The following TSHZ2 variants were observed in gnomAD, a reference collection of about 807,000 sequenced individuals.
TSHZ2 encodes the protein teashirt zinc finger homeobox 2, also known as teashirt homolog 2.
Under a neutral mutation model 74.4 loss-of-function variants are expected in TSHZ2, and 21 were observed. The observed-to-expected ratio is 0.28, with a 90% CI of 0.20 to 0.41. The LOEUF is 0.41. Ranked by LOEUF, TSHZ2 falls within the 10% of genes least tolerant of loss-of-function variation. The probability of loss-of-function intolerance (pLI) is 1.00; values close to 1 mark genes in which losing one functional copy is unlikely to be tolerated. For missense variants in TSHZ2, 1,244 were observed against 1,293.5 expected (o/e 0.96, Z 0.59); for synonymous variants, 540 against 515.3 (o/e 1.05, Z -0.65).
intron 2 of TSHZ2, among the ~76,000 whole-genome samples, chr20:53,422,973 G>A (rs1022964864): frequency 3.9e-5 from 6 of 152,110 alleles, no homozygotes; most frequent in African/African-American, 1.4e-4. Flanking sequence ...TCCTCAATGC[G>A]TTCTTAGTCC....
chr20:53,462,153 T>C lies in TSHZ2; in HGVS notation c.*9-24991T>C, dbSNP rs541837496. On this transcript the variant is annotated intron_variant, in intron 2 of 2. Transcript: ENST00000371497. ...CCTGTAATCTCAGCTGCTTGGGAGGTTGAGGTGGAAGAATCACTTGAACCT... is the reference window on the plus strand; with the variant it reads ...CCTGTAATCTCAGCTGCTTGGGAGGCTGAGGTGGAAGAATCACTTGAACCT... Among the ~76,000 whole-genome samples, 42 of 150,384 alleles carry C rather than the reference T, an allele frequency of 2.8e-4. 1 individual carries two copies. Among genetic ancestry groups the C allele is most frequent in the Admixed American group, 2.3e-3 (35 of 15,146 alleles).
intron 1 of TSHZ2, among the ~76,000 whole-genome samples, chr20:53,119,754 T>C (rs975293653): frequency 6.6e-6 from 1 of 152,216 alleles, no homozygotes; most frequent in African/African-American, 2.4e-5. Flanking sequence ...TGCTAGAAAA[T>C]GTTAAATCAC....
At chr20:53,367,120 G>T (rs966710963) in intron 2 of TSHZ2, among the ~76,000 whole-genome samples, 1 of 152,146 alleles carries the variant, frequency 6.6e-6, no homozygotes, top group Non-Finnish European at 1.5e-5. Context: ...TCTCAGCCGG[G>T]CGTGGTGACT....
intron 1 of TSHZ2, among the ~76,000 whole-genome samples, chr20:53,025,133 T>C (rs1284565117): frequency 6.6e-6 from 1 of 151,108 alleles, no homozygotes; most frequent in Non-Finnish European, 1.5e-5. Flanking sequence ...TTTATGTAGA[T>C]AGTATTAAAG....
At chr20:53,142,593 A>T (rs1435818957) in intron 1 of TSHZ2, among the ~76,000 whole-genome samples, 1 of 152,242 alleles carries the variant, frequency 6.6e-6, no homozygotes, top group Admixed American at 6.5e-5. Flanking sequence ...GTCAGCACAC[A>T]TGTTCAGATA....
At chr20:53,150,429 A>C (rs1239275173) in intron 1 of TSHZ2, among the ~76,000 whole-genome samples, 1 of 152,224 alleles carries the variant, frequency 6.6e-6, no homozygotes, top group Non-Finnish European at 1.5e-5. Context: ...ATAGCTGGCA[A>C]ACTAGAAAGA....
At chr20:53,247,896 T>G (rs1990242955) in intron 1 of TSHZ2, among the ~76,000 whole-genome samples, 1 of 152,242 alleles carries the variant, frequency 6.6e-6, no homozygotes, top group African/African-American at 2.4e-5. Flanking sequence ...GTGTTTTTAC[T>G]GTAAACACTA....
chr20:53,341,177 T>G (rs1444115428), intron 2 of TSHZ2, among the ~76,000 whole-genome samples: 1 of 152,136 alleles, frequency 6.6e-6, no homozygotes, highest in Non-Finnish European at 1.5e-5. Flanking sequence ...TGCCTCAGTT[T>G]GCTTGTCCTT....
chr20:53,305,853 C>T (rs1205579122), intron 2 of TSHZ2, among the ~76,000 whole-genome samples: 1 of 151,996 alleles, frequency 6.6e-6, no homozygotes, highest in Admixed American at 6.6e-5. Flanking sequence ...CGGTGTGCAC[C>T]TGTAGTCCCA....
intron 2 of TSHZ2, among the ~76,000 whole-genome samples, chr20:53,330,855 T>C (rs926656434): frequency 1.3e-5 from 2 of 152,234 alleles, no homozygotes; most frequent in Non-Finnish European, 2.9e-5. Flanking sequence ...GGGTTTCATC[T>C]GAAGTGTGTA....
At chr20:53,036,431 C>T (rs780213867) in intron 1 of TSHZ2, among the ~76,000 whole-genome samples, 18 of 151,040 alleles carry the variant, frequency 1.2e-4, no homozygotes, top group African/African-American at 3.6e-4. Flanking sequence ...TGTATATGCA[C>T]GTATACATAC....
chr20:53,107,692 GC>G (rs1986417774), intron 1 of TSHZ2, among the ~76,000 whole-genome samples: 1 of 152,140 alleles, frequency 6.6e-6, no homozygotes, highest in African/African-American at 2.4e-5. Flanking sequence ...ACACGTGGGT[GC>G]CGCACGTATC....
chr20:53,066,988 A>T (rs1490763213), intron 1 of TSHZ2, among the ~76,000 whole-genome samples: 1 of 152,214 alleles, frequency 6.6e-6, no homozygotes, highest in East Asian at 1.9e-4. Flanking sequence ...ACATTTCAAA[A>T]ATATTATCCA....
At chr20:53,236,537 C>T (rs1989942878) in intron 1 of TSHZ2, among the ~76,000 whole-genome samples, 1 of 152,208 alleles carries the variant, frequency 6.6e-6, no homozygotes, top group Admixed American at 6.5e-5. Context: ...AACTGACATG[C>T]CACAAGTAAG....
At chr20:53,323,122 T>A (rs934563884) in intron 2 of TSHZ2, among the ~76,000 whole-genome samples, 1 of 152,210 alleles carries the variant, frequency 6.6e-6, no homozygotes, top group Non-Finnish European at 1.5e-5. Flanking sequence ...AAAAAGCATG[T>A]TGGCCTGGGA....
rs189153475 is a variant in TSHZ2, at chr20:53,363,221, T to C, written c.*8+106650T>C. ...TGGATTGGCTTCTGGCCTTTTCCTATCTTGCTATACCATCACCCTAGCTGT... is the reference window on the plus strand; with the variant it reads ...TGGATTGGCTTCTGGCCTTTTCCTACCTTGCTATACCATCACCCTAGCTGT... On this transcript the variant is annotated intron_variant, in intron 2 of 2. Coordinates refer to ENST00000371497, the MANE Select transcript of TSHZ2 (RefSeq NM_173485.6). Among the ~76,000 whole-genome samples, 5 of 152,378 alleles carry C rather than the reference T, an allele frequency of 3.3e-5. No homozygotes were observed. The East Asian group carries it at 7.7e-4, about 23-fold the overall frequency.
chr20:53,406,234 G>A (rs1193752004), intron 2 of TSHZ2, among the ~76,000 whole-genome samples: 1 of 152,140 alleles, frequency 6.6e-6, no homozygotes, highest in Non-Finnish European at 1.5e-5. Flanking sequence ...CTAGATCAAA[G>A]GGAGCAGGAT....
chr20:53,022,417 T>A (rs530672227), intron 1 of TSHZ2, among the ~76,000 whole-genome samples: 1 of 152,192 alleles, frequency 6.6e-6, no homozygotes, highest in Non-Finnish European at 1.5e-5. Flanking sequence ...CTGCTTCCCA[T>A]GCCACGTTTT....
chr20:53,185,595 G>T, intron 1 of TSHZ2: 4 of 1,529,514 alleles, frequency 2.6e-6, no homozygotes, highest in Non-Finnish European at 3.5e-6. Flanking sequence ...ACTCCAGCTG[G>T]GGATACAGAG....
Sources: allele counts gnomAD v4.1 joint callset (sites outside exome capture counted in the v4.1 genomes callset), GRCh38; gene constraint gnomAD v4.1.1; transcripts MANE v1.5; gene names NCBI Gene and HGNC (gene_info 2026-07-23, HGNC 2026-07-21).